Variants in C1orf185 observed in about 807,000 individuals in gnomAD.
The protein encoded by C1orf185 is chromosome 1 open reading frame 185.
A neutral mutation model predicts 16.1 loss-of-function variants in C1orf185; 13 were observed. The ratio of observed to expected loss-of-function variants is 0.81; its 90% CI spans 0.53 to 1.28. The LOEUF (loss-of-function observed/expected upper bound fraction) is 1.28, where lower values mean the gene tolerates loss of function less well. Ranked by LOEUF, C1orf185 falls within the 50% of genes most tolerant of loss-of-function variation. C1orf185 has a pLI of 0.00. For missense variants in C1orf185, 220 were observed against 225.2 expected (o/e 0.98, Z 0.15); for synonymous variants, 80 against 76.9 (o/e 1.04, Z -0.21).
rs532154201 is a variant in C1orf185, at chr1:51,128,704, TTAAAA to T, written c.258+9921_258+9925del. Among the ~76,000 whole-genome samples the T allele has an allele frequency of 2.7e-3, 416 of 152,022 alleles. 1 individual carries two copies. Among genetic ancestry groups the T allele is most frequent in the African/African-American group, 9.5e-3 (393 of 41,478 alleles). ...CAAGACTTTGTCTCCAAAAATTAAA[TTAAAA>T]TAAAATAAAATAAAATAGCTTTTAA... is the stretch of plus-strand genomic sequence containing the variant. On this transcript the variant is annotated intron_variant, in intron 3 of 4. Transcript: ENST00000371759.
At chr1:51,109,730 T>C (rs1400532727) in intron 1 of C1orf185, among the ~76,000 whole-genome samples, 4 of 152,194 alleles carry the variant, frequency 2.6e-5, no homozygotes, top group African/African-American at 4.8e-5. Flanking sequence ...GGGTTCTCCA[T>C]CCTGTTCCAC....
At chr1:51,134,317 A>C (rs1646306835) in intron 3 of C1orf185, among the ~76,000 whole-genome samples, 1 of 152,214 alleles carries the variant, frequency 6.6e-6, no homozygotes, top group Non-Finnish European at 1.5e-5. Context: ...AAAATACCAG[A>C]ATTTCTGGGA....
At chr1:51,109,723 T>C (rs1355504667) in intron 1 of C1orf185, among the ~76,000 whole-genome samples, 1 of 152,218 alleles carries the variant, frequency 6.6e-6, no homozygotes, top group East Asian at 1.9e-4. Context: ...TATTTCTGGG[T>C]TCTCCATCCT....
At chr1:51,111,486 C>T (rs971224058) in intron 1 of C1orf185, among the ~76,000 whole-genome samples, 15 of 151,238 alleles carry the variant, frequency 9.9e-5, no homozygotes, top group African/African-American at 3.7e-4. Context: ...AATCCTCCCG[C>T]CTCAGCCTCC....
At chr1:51,136,161 C>T (rs1414239999) in intron 3 of C1orf185, among the ~76,000 whole-genome samples, 2 of 152,020 alleles carry the variant, frequency 1.3e-5, no homozygotes, top group Admixed American at 6.6e-5. Flanking sequence ...TCAGAGATGA[C>T]ACAAGCAAAT....
chr1:51,118,154 A>G lies in C1orf185; in HGVS notation c.123-512A>G, dbSNP rs188671747. ...AAGCTGATCTTGAACTCCTGACCTC[A>G]AGTGATCCGCCCGCCTTGACCTCCC... On this transcript the variant is annotated intron_variant, in intron 2 of 4. Coordinates refer to ENST00000371759, the MANE Select transcript of C1orf185 (RefSeq NM_001136508.2). 5.0e-4 allele frequency among the ~76,000 whole-genome samples: 76 copies of G among 152,314 alleles called. 1 individual carries two copies. Among genetic ancestry groups the G allele is most frequent in the Non-Finnish European group, 4.9e-4 (33 of 68,016 alleles).
chr1:51,150,485 G>A (rs986837875), downstream of C1orf185, among the ~76,000 whole-genome samples: 3 of 151,990 alleles, frequency 2.0e-5, no homozygotes, highest in East Asian at 1.9e-4. Flanking sequence ...GAGCCACCAC[G>A]CCTGGCCATA....
intron 3 of C1orf185, among the ~76,000 whole-genome samples, chr1:51,119,606 A>C (rs917681638): frequency 1.3e-5 from 2 of 152,242 alleles, no homozygotes; most frequent in Non-Finnish European, 2.9e-5. Context: ...CAGCCCAGGC[A>C]ACACAGCGAA....
intron 1 of C1orf185, among the ~76,000 whole-genome samples, chr1:51,103,624 T>C (rs1646049335): frequency 6.6e-6 from 1 of 151,396 alleles, no homozygotes; most frequent in East Asian, 1.9e-4. Context: ...ACCTCTGCCT[T>C]CTGGGTTCAA....
intron 3 of C1orf185, among the ~76,000 whole-genome samples, chr1:51,132,834 G>T (rs1646295395): frequency 6.6e-6 from 1 of 152,036 alleles, no homozygotes; most frequent in African/African-American, 2.4e-5. Context: ...ACCTACAAAG[G>T]AAAGCCCATC....
chr1:51,118,305 A>G (rs1026416046), intron 2 of C1orf185, among the ~76,000 whole-genome samples: 22 of 152,378 alleles, frequency 1.4e-4, no homozygotes, highest in African/African-American at 5.0e-4. Flanking sequence ...CATTAAGGAT[A>G]ATTTTATGAA....
intron 2 of C1orf185, 137 bp downstream of exon 2, chr1:51,112,706 G>A: frequency 1.4e-6 from 1 of 715,418 alleles, no homozygotes; most frequent in East Asian, 3.0e-5. Context: ...AGACCCTTTG[G>A]TTGGGGACGG....
intron 1 of C1orf185, among the ~76,000 whole-genome samples, chr1:51,104,627 G>A: frequency 6.6e-6 from 1 of 152,172 alleles, no homozygotes; most frequent in East Asian, 1.9e-4. Context: ...ATTTTAAGAA[G>A]TTTGGCTATA....
intron 3 of C1orf185, among the ~76,000 whole-genome samples, chr1:51,124,274 GT>G (rs1646221387): frequency 6.6e-6 from 1 of 152,036 alleles, no homozygotes; most frequent in Non-Finnish European, 1.5e-5. Context: ...TGGAGACAGG[GT>G]TTCGCCATGT....
chr1:51,125,356 G>A, intron 3 of C1orf185, among the ~76,000 whole-genome samples: 1 of 152,122 alleles, frequency 6.6e-6, no homozygotes, highest in Non-Finnish European at 1.5e-5. Flanking sequence ...TAAGAAACAG[G>A]CTTAATCCTG....
chr1:51,102,412 G>A (rs1646038457), intron 1 of C1orf185, 163 bp downstream of exon 1: 1 of 426,396 alleles, frequency 2.3e-6, no homozygotes, highest in Admixed American at 3.9e-5. Context: ...AAGTTATTGG[G>A]GCTATTTTCT....
chr1:51,145,501 T>C (rs1449514955), intron 3 of C1orf185, among the ~76,000 whole-genome samples: 1 of 152,170 alleles, frequency 6.6e-6, no homozygotes, highest in East Asian at 1.9e-4. Context: ...TTCCTTATTC[T>C]GGAGACTGCC....
At chr1:51,125,324 C>T (rs1646232451) in intron 3 of C1orf185, among the ~76,000 whole-genome samples, 1 of 152,132 alleles carries the variant, frequency 6.6e-6, no homozygotes. Context: ...TGGTATCCTC[C>T]TCTTAGGCTT....
intron 1 of C1orf185, among the ~76,000 whole-genome samples, chr1:51,109,765 C>A (rs1477219206): frequency 6.6e-6 from 1 of 152,082 alleles, no homozygotes; most frequent in African/African-American, 2.4e-5. Context: ...GTTTTTTATG[C>A]CAATGCTATG....
Sources: allele counts gnomAD v4.1 joint callset (sites outside exome capture counted in the v4.1 genomes callset), GRCh38; gene constraint gnomAD v4.1.1; transcripts MANE v1.5; gene names NCBI Gene and HGNC (gene_info 2026-07-23, HGNC 2026-07-21).